The following GOPC variants were observed in gnomAD, a reference collection of about 807,000 sequenced individuals.
GOPC encodes the protein Golgi-associated PDZ and coiled-coil motif-containing protein.
A neutral mutation model predicts 51.2 loss-of-function variants in GOPC; 32 were observed. The observed-to-expected ratio is 0.63, with a 90% CI of 0.47 to 0.84. The LOEUF (loss-of-function observed/expected upper bound fraction) is 0.84, where lower values mean the gene tolerates loss of function less well. Ranked by LOEUF, GOPC falls within the 40% of genes least tolerant of loss-of-function variation. The pLI is 0.00. For missense variants in GOPC, 441 were observed against 555.5 expected, an observed-to-expected ratio of 0.79 and a Z score of 2.07; for synonymous variants, 190 against 205.1, an observed-to-expected ratio of 0.93 and a Z score of 0.63.
chr6:117,569,591 A>C lies in GOPC; in HGVS notation c.1058T>G (p.Val353Gly). 6.2e-7 allele frequency: 1 copy of C among 1,613,102 alleles called. No individual in the cohort carries two copies. The highest frequency in any genetic ancestry group is 8.5e-7 in the Non-Finnish European group (1 of 1,179,654). The change falls in exon 7 of 9, where the codon GTA (valine) becomes GGA (glycine). Residue 353 changes from valine (V) to glycine (G), a missense_variant. By Grantham distance (109) the Val-to-Gly change is moderately radical (BLOSUM62 -3). Transcript: ENST00000368498. ...ATTTACCTGCTGAGAAAGAATAGTT[A>C]CAGCTTCTTTATGCTTTGTGTCCCT... is the stretch of plus-strand genomic sequence containing the variant. ...NLRDTKHKEA[V>G]TILSQQRGEI... is the part of the protein sequence containing the mutation.
At chr6:117,576,890 G>A (rs1243918396) in intron 3 of GOPC, among the ~76,000 whole-genome samples, 3 of 152,022 alleles carry the variant, frequency 2.0e-5, no homozygotes, top group African/African-American at 7.2e-5. Flanking sequence ...AGACAAATTG[G>A]AACTTGATTA....
In GOPC at chr6:117,602,055, T is replaced by C. The variant is rs575710636; in HGVS notation, c.234A>G (p.Ala78=). 1.9e-6 allele frequency: 3 copies of C among 1,614,192 alleles called. No homozygotes were observed. The East Asian group carries it at 6.7e-5, about 36-fold the overall frequency. ...CAGACTGGGCTTTGTGGCAAAGCTG[T>C]GCAAAGCAGGAGCTCAGGCTGGTCA... ...QKMTSLSSCF[A]QLCHKAQSVS... is the part of the protein sequence containing the mutation. The change falls in exon 1 of 9, where the codon GCA becomes GCG. Residue 78 remains alanine (A), a synonymous_variant. Transcript: ENST00000368498.
In GOPC at chr6:117,570,966, G is replaced by A; in HGVS notation, c.817-11C>T. 4 of 1,430,220 alleles carry A rather than the reference G, an allele frequency of 2.8e-6. No individual in the cohort carries two copies. The highest frequency in any genetic ancestry group is 2.3e-5 in the East Asian group (1 of 43,472). The allele number at this position is 1,430,220 out of a possible 1,614,324, so 88.6% of individuals were successfully genotyped here. A position where few individuals can be genotyped will look rare whatever the true frequency, so the allele number is the denominator to read the frequency against. ...TAGGGAATCTTGATCCTTATTGGGA[G>A]GAAAAAAGAAGAAAAAGTAGTATCA... On this transcript the variant is annotated splice_polypyrimidine_tract_variant and intron_variant, in intron 5 of 8. Transcript: ENST00000368498.
chr6:117,584,903 T>C (rs138575798), intron 1 of GOPC, among the ~76,000 whole-genome samples: 33 of 151,868 alleles, frequency 2.2e-4, no homozygotes, highest in Non-Finnish European at 4.7e-4. Context: ...CTTCTTTACT[T>C]GCATGTGATC....
At position 117,561,688 on chromosome 6, in the gene GOPC, G is replaced by A. The variant is rs1441653206; in HGVS notation, c.*1566C>T. On this transcript the variant is annotated 3_prime_UTR_variant, in exon 9 of 9. Transcript: ENST00000368498. Reference sequence around the variant, plus strand: ...ATACTAGCTTTTGCTCAGAGACAATGCTATAAAGTATTTTAATGTCAGTAA... The same window carrying A: ...ATACTAGCTTTTGCTCAGAGACAATACTATAAAGTATTTTAATGTCAGTAA... 4.9e-6 allele frequency: 1 copy of A among 203,690 alleles called. No individual in the cohort carries two copies. The highest frequency in any genetic ancestry group is 6.0e-5 in the Admixed American group (1 of 16,720). The allele number at this position is 203,690 out of a possible 1,614,324, so 12.6% of individuals were successfully genotyped here.
Position 117,602,343 on chromosome 6 carries a change from C to T in GOPC, c.-55G>A. 6.7e-7 allele frequency: 1 copy of T among 1,492,856 alleles called. No individual in the cohort carries two copies. Among genetic ancestry groups the T allele is most frequent in the Admixed American group, 2.3e-5 (1 of 44,104 alleles). 92.5% of individuals were successfully genotyped at this position (1,492,856 alleles called of 1,614,324 possible). Reference sequence around the variant, plus strand: ...GAAGACCCTCGCCGCCCCCCGCGCACGAAGGGAACTGCTGGGACTGAGGGG... The same window carrying T: ...GAAGACCCTCGCCGCCCCCCGCGCATGAAGGGAACTGCTGGGACTGAGGGG... On this transcript the variant is annotated 5_prime_UTR_variant, in exon 1 of 9. In the 5' UTR this introduces an upstream ATG that the reference lacks. Transcript: ENST00000368498.
At chr6:117,595,544 C>G (rs1185645925) in intron 1 of GOPC, among the ~76,000 whole-genome samples, 3 of 152,130 alleles carry the variant, frequency 2.0e-5, no homozygotes, top group Non-Finnish European at 4.4e-5. Context: ...TCCCTCATCC[C>G]CTTCCCACCC....
At chr6:117,580,212 A>G (rs372073337) in intron 1 of GOPC, among the ~76,000 whole-genome samples, 2 of 152,104 alleles carry the variant, frequency 1.3e-5, no homozygotes, top group Non-Finnish European at 2.9e-5. Flanking sequence ...ATATGTCTCT[A>G]TATCCCAACT....
chr6:117,573,393 A>G, intron 5 of GOPC, 74 bp downstream of exon 5: 1 of 1,489,210 alleles, frequency 6.7e-7, no homozygotes, highest in Non-Finnish European at 9.1e-7. Context: ...AGAATAAAGG[A>G]AAGAATGGAA....
In GOPC at chr6:117,602,370, C is replaced by A. The variant is rs1020640132; in HGVS notation, c.-82G>T. On this transcript the variant is annotated 5_prime_UTR_variant, in exon 1 of 9. Coordinates refer to ENST00000368498, the MANE Select transcript of GOPC (RefSeq NM_020399.4). ...AAGGGAACTGCTGGGACTGAGGGGACCCCCGCGCGCGCGGGCACACTCCGT... is the reference window on the plus strand; with the variant it reads ...AAGGGAACTGCTGGGACTGAGGGGAACCCCGCGCGCGCGGGCACACTCCGT... 1.2e-5 allele frequency: 17 copies of A among 1,389,842 alleles called. No individual in the cohort carries two copies. The African/African-American group carries it at 2.2e-4, about 18-fold the overall frequency. 86.1% of individuals were successfully genotyped at this position (1,389,842 alleles called of 1,614,324 possible).
At chr6:117,590,529 G>A (rs536967770) in intron 1 of GOPC, among the ~76,000 whole-genome samples, 25 of 137,996 alleles carry the variant, frequency 1.8e-4, no homozygotes, top group Admixed American at 3.2e-4. Flanking sequence ...CCATGATCGT[G>A]TCACTACACT....
intron 7 of GOPC, among the ~76,000 whole-genome samples, chr6:117,568,619 A>G (rs1779745581): frequency 6.6e-6 from 1 of 152,216 alleles, no homozygotes; most frequent in African/African-American, 2.4e-5. Flanking sequence ...ACCATTTTGC[A>G]GAAAGAGACA....
chr6:117,569,470 A>C (rs1779762690), intron 7 of GOPC, 102 bp downstream of exon 7: 1 of 1,449,574 alleles, frequency 6.9e-7, no homozygotes, highest in Non-Finnish European at 9.3e-7. Context: ...AACTATGTGT[A>C]AACACTTTAC....
Position 117,578,974 on chromosome 6 carries a change from G to A in GOPC, c.376C>T (p.Leu126=). The change falls in exon 2 of 9, where the codon CTG becomes TTG. Residue 126 remains leucine (L), a synonymous_variant. Coordinates refer to ENST00000368498, the MANE Select transcript of GOPC (RefSeq NM_020399.4). The part of the protein sequence containing the change: ...EKEVHDQLLQ[L]HSIQLQLHAK... The stretch of plus-strand genomic sequence containing the variant: ...TGAAGCTGCAGCTGAATAGAGTGCA[G>A]CTGTAAAAGCTGATCATGTACTTCT... 1.2e-6 allele frequency: 2 copies of A among 1,612,562 alleles called. No homozygotes were observed. Among genetic ancestry groups the A allele is most frequent in the African/African-American group, 1.3e-5 (1 of 74,984 alleles).
chr6:117,564,994 T>C (rs750187090), intron 8 of GOPC, among the ~76,000 whole-genome samples: 10 of 152,264 alleles, frequency 6.6e-5, no homozygotes, highest in Non-Finnish European at 8.8e-5. Context: ...ATACTAAGCA[T>C]TGAGGACTCC....
chr6:117,602,186 C>G lies in GOPC; in HGVS notation c.103G>C (p.Glu35Gln), dbSNP rs116169595. ...PGGVSMFRWL[E>Q]VLEKEFDKAF... ...TTGTCGAACTCCTTCTCCAGCACCT[C>G]CAGCCACCGGAACATGGATACCCCG... Residue 35 changes from glutamate (E) to glutamine (Q), a missense_variant, in exon 1 of 9, where the codon GAG (glutamate) becomes CAG (glutamine). Glu to Gln is a conservative substitution (Grantham distance 29, BLOSUM62 2). Transcript: ENST00000368498. 6.2e-7 allele frequency: 1 copy of G among 1,612,602 alleles called. No individual in the cohort carries two copies. Among genetic ancestry groups the G allele is most frequent in the East Asian group, 2.2e-5 (1 of 44,868 alleles).
intron 1 of GOPC, among the ~76,000 whole-genome samples, chr6:117,595,013 G>A (rs1456203756): frequency 2.6e-5 from 4 of 152,114 alleles, no homozygotes; most frequent in Admixed American, 1.3e-4. Flanking sequence ...TAGTTTACCT[G>A]AGCCAAAATG....
At position 117,602,070 on chromosome 6, in the gene GOPC, C is replaced by G; in HGVS notation, c.219G>C (p.Leu73=). 6.2e-7 allele frequency: 1 copy of G among 1,614,208 alleles called. No homozygotes were observed. Among genetic ancestry groups the G allele is most frequent in the Non-Finnish European group, 8.5e-7 (1 of 1,180,036 alleles). Residue 73 remains leucine (L), a synonymous_variant, in exon 1 of 9, where the codon CTG becomes CTC. Coordinates refer to ENST00000368498, the MANE Select transcript of GOPC (RefSeq NM_020399.4). ...GGCAAAGCTGTGCAAAGCAGGAGCT[C>G]AGGCTGGTCATCTTCTGTCGCCCCT... ...TYEGRQKMTS[L]SSCFAQLCHK... is the part of the protein sequence containing the mutation.
At chr6:117,598,303 T>C (rs1771915810) in intron 1 of GOPC, among the ~76,000 whole-genome samples, 1 of 151,390 alleles carries the variant, frequency 6.6e-6, no homozygotes, top group African/African-American at 2.4e-5. Context: ...GAGCTGGGAG[T>C]TGGAGGCCAC....
Sources: gnomAD v4.1 joint callset for allele counts (sites outside exome capture counted in the v4.1 genomes callset) on GRCh38, gnomAD v4.1.1 for gene constraint, MANE v1.5 for transcripts, NCBI Gene and HGNC (gene_info 2026-07-23, HGNC 2026-07-21) for gene names.